ARHGAP24: variants seen among roughly 807,000 people sequenced by gnomAD.
ARHGAP24 encodes rho GTPase-activating protein 24.
ARHGAP24 carries 50 observed loss-of-function variants against 76.4 expected under a neutral mutation model. The ratio of observed to expected loss-of-function variants is 0.65; its 90% confidence interval spans 0.52 to 0.83. The LOEUF is 0.83. Ranked by LOEUF, ARHGAP24 falls within the 40% of genes least tolerant of loss-of-function variation. The pLI is 0.00. For missense variants in ARHGAP24, 930 were observed against 914.2 expected (o/e 1.02, Z -0.22); for synonymous variants, 345 against 323.3 (o/e 1.07, Z -0.72).
intron 1 of ARHGAP24, among the ~76,000 whole-genome samples, chr4:85,514,672 G>T (rs1167276812): frequency 6.6e-6 from 1 of 151,826 alleles, no homozygotes; most frequent in African/African-American, 2.4e-5. Context: ...AGCCACCTTT[G>T]TTCTGACTTT....
intron 1 of ARHGAP24, among the ~76,000 whole-genome samples, chr4:85,546,425 A>G (rs1047677303): frequency 1.1e-4 from 16 of 152,210 alleles, no homozygotes; most frequent in African/African-American, 3.4e-4. Context: ...TTTTACCTCT[A>G]TGAGTTTTAA....
At chr4:85,668,764 T>C (rs1722724048) in intron 2 of ARHGAP24, among the ~76,000 whole-genome samples, 1 of 152,184 alleles carries the variant, frequency 6.6e-6, no homozygotes, top group African/African-American at 2.4e-5. Context: ...GAGTTGGAAC[T>C]TGACCCAGAG....
At chr4:85,976,686 T>G (rs1436305641) in intron 7 of ARHGAP24, among the ~76,000 whole-genome samples, 1 of 152,192 alleles carries the variant, frequency 6.6e-6, no homozygotes. Context: ...TCATGCCTCT[T>G]ACTTTTTAGC....
chr4:85,615,149 A>C (rs1232099178), intron 2 of ARHGAP24, among the ~76,000 whole-genome samples: 1 of 152,094 alleles, frequency 6.6e-6, no homozygotes, highest in Non-Finnish European at 1.5e-5. Flanking sequence ...GTATAAATAC[A>C]GTAAATTTTC....
intron 2 of ARHGAP24, among the ~76,000 whole-genome samples, chr4:85,655,766 C>CATAT (rs370571889): frequency 7.7e-4 from 53 of 69,014 alleles, no homozygotes; most frequent in East Asian, 4.2e-3. Flanking sequence ...AGTGAGACTC[C>CATAT]ATATATATAT....
At chr4:85,497,847 G>T (rs1481717554) in intron 1 of ARHGAP24, among the ~76,000 whole-genome samples, 1 of 151,654 alleles carries the variant, frequency 6.6e-6, no homozygotes, top group Non-Finnish European at 1.5e-5. Context: ...AGAAAGAAAA[G>T]GAAAAGAAAT....
intron 5 of ARHGAP24, among the ~76,000 whole-genome samples, chr4:85,954,442 G>A (rs113613487): frequency 6.1e-4 from 93 of 152,158 alleles, no homozygotes; most frequent in African/African-American, 2.2e-3. Context: ...GCTCCTTGAG[G>A]GCAGGATCCT....
intron 5 of ARHGAP24, among the ~76,000 whole-genome samples, chr4:85,971,695 T>A (rs1477442922): frequency 6.6e-6 from 1 of 152,160 alleles, no homozygotes; most frequent in Non-Finnish European, 1.5e-5. Flanking sequence ...TGTTGTGCTA[T>A]CAAATACTAG....
chr4:85,826,464 C>T (rs1729717282), intron 3 of ARHGAP24, among the ~76,000 whole-genome samples: 1 of 152,138 alleles, frequency 6.6e-6, no homozygotes, highest in Non-Finnish European at 1.5e-5. Context: ...GGTGGCTGCC[C>T]TCAAGATCTG....
intron 1 of ARHGAP24, among the ~76,000 whole-genome samples, chr4:85,514,812 A>T (rs1724421176): frequency 1.5e-5 from 1 of 67,688 alleles, no homozygotes; most frequent in South Asian, 6.9e-4. Context: ...AATTACTCTA[A>T]ATTGTAAAAA....
At chr4:85,496,711 G>A (rs999236956) in intron 1 of ARHGAP24, among the ~76,000 whole-genome samples, 5 of 152,198 alleles carry the variant, frequency 3.3e-5, no homozygotes, top group African/African-American at 4.8e-5. Context: ...AGTCTTAGGT[G>A]CCCCATAGTT....
chr4:85,513,346 G>T (rs1197708129), intron 1 of ARHGAP24, among the ~76,000 whole-genome samples: 2 of 152,160 alleles, frequency 1.3e-5, no homozygotes, highest in African/African-American at 4.8e-5. Context: ...TTTCGCTTTT[G>T]CTGCCATGTT....
In ARHGAP24 at chr4:85,685,643, A is replaced by AAAAGAAAAGAAAAGAAAAG. The variant is rs1157413373; in HGVS notation, c.181-36239_181-36238insGAAAAGAAAAGAAAAGAAA. Among the ~76,000 whole-genome samples the AAAAGAAAAGAAAAGAAAAG allele has an allele frequency of 4.6e-3, 696 of 150,182 alleles. 3 individuals carry two copies. Among genetic ancestry groups the AAAAGAAAAGAAAAGAAAAG allele is most frequent in the African/African-American group, 0.016 (639 of 39,914 alleles). Reference sequence around the variant, plus strand: ...GCGAGACTCTGTCTCAAAAAAAAAAAAAAAGAAAAGAAAAAGAAGTCTCCA... The same window carrying AAAAGAAAAGAAAAGAAAAG: ...GCGAGACTCTGTCTCAAAAAAAAAAAAAAGAAAAGAAAAGAAAAGAAAAGAAAAGAAAAAGAAGTCTCCA... On this transcript the variant is annotated intron_variant, in intron 2 of 9. Coordinates refer to ENST00000395184, the MANE Select transcript of ARHGAP24 (RefSeq NM_001025616.3).
intron 2 of ARHGAP24, among the ~76,000 whole-genome samples, chr4:85,714,733 G>T (rs962597217): frequency 6.6e-6 from 1 of 152,106 alleles, no homozygotes; most frequent in Non-Finnish European, 1.5e-5. Context: ...TACTAGGGTA[G>T]ATTCCAAAAT....
chr4:85,784,947 CTATCTA>C (rs1208616989), intron 3 of ARHGAP24, among the ~76,000 whole-genome samples: 10 of 150,286 alleles, frequency 6.7e-5, no homozygotes, highest in African/African-American at 1.5e-4. Context: ...ATCTATCTAT[CTATCTA>C]TCTATCTCTC....
At chr4:85,724,841 C>A (rs994483107) in intron 3 of ARHGAP24, among the ~76,000 whole-genome samples, 1 of 152,036 alleles carries the variant, frequency 6.6e-6, no homozygotes, top group African/African-American at 2.4e-5. Flanking sequence ...TTTCCTATTT[C>A]TCTACTTGTT....
At chr4:85,785,842 G>C (rs1328715687) in intron 3 of ARHGAP24, among the ~76,000 whole-genome samples, 2 of 152,120 alleles carry the variant, frequency 1.3e-5, no homozygotes, top group African/African-American at 4.8e-5. Context: ...TGCTACCCTA[G>C]AGTCATAAAT....
intron 1 of ARHGAP24, among the ~76,000 whole-genome samples, chr4:85,504,761 TA>T (rs774274938): frequency 6.6e-6 from 1 of 152,186 alleles, no homozygotes; most frequent in East Asian, 1.9e-4. Flanking sequence ...ATCCTGTCAT[TA>T]TGATGTTAGC....
chr4:85,800,397 CA>C (rs567922065), intron 3 of ARHGAP24, among the ~76,000 whole-genome samples: 192 of 152,092 alleles, frequency 1.3e-3, no homozygotes, highest in African/African-American at 4.5e-3. Context: ...TCAGATAGAG[CA>C]AAGCAGAAAA....
Sources: allele counts gnomAD v4.1 joint callset (sites outside exome capture counted in the v4.1 genomes callset), GRCh38; gene constraint gnomAD v4.1.1; transcripts MANE v1.5; gene names NCBI Gene and HGNC (gene_info 2026-07-23, HGNC 2026-07-21).